The following BBS9 variants were observed in gnomAD, a reference collection of about 807,000 sequenced individuals.
BBS9 encodes protein PTHB1.
In BBS9, 89 loss-of-function variants were observed where a neutral mutation model predicts 117.7. The ratio of observed to expected loss-of-function variants is 0.76; its 90% CI spans 0.64 to 0.90. BBS9 has a LOEUF of 0.90. BBS9 is among the 40% of genes least tolerant of loss of function. BBS9 has a pLI of 0.00. For missense variants in BBS9, 982 were observed against 1,042.2 expected (o/e 0.94, Z 0.80); for synonymous variants, 379 against 370.9 (o/e 1.02, Z -0.25).
chr7:33,626,700 AG>A (rs1373139147), intron 21 of BBS9, among the ~76,000 whole-genome samples: 16 of 152,172 alleles, frequency 1.1e-4, no homozygotes, highest in Non-Finnish European at 1.5e-4. Flanking sequence ...ATTAGCAAAG[AG>A]GTTGGAGGCC....
chr7:33,324,260 T>C (rs552071964), intron 9 of BBS9, among the ~76,000 whole-genome samples: 2 of 152,242 alleles, frequency 1.3e-5, no homozygotes, highest in South Asian at 4.1e-4. Context: ...CTTGCAAATA[T>C]GATCTTACAA....
At chr7:33,219,710 A>G (rs1562820552) in intron 5 of BBS9, among the ~76,000 whole-genome samples, 1 of 152,130 alleles carries the variant, frequency 6.6e-6, no homozygotes, top group African/African-American at 2.4e-5. Context: ...CGCACCAATC[A>G]GCGCCCTGTC....
At chr7:33,218,333 A>G (rs1311078331) in intron 5 of BBS9, among the ~76,000 whole-genome samples, 1 of 152,188 alleles carries the variant, frequency 6.6e-6, no homozygotes. Flanking sequence ...CCATTTACTG[A>G]CTTTGTTGGT....
At chr7:33,622,429 T>C (rs1865454847) in intron 21 of BBS9, among the ~76,000 whole-genome samples, 1 of 152,128 alleles carries the variant, frequency 6.6e-6, no homozygotes, top group African/African-American at 2.4e-5. Flanking sequence ...ACTTGAAAAT[T>C]GTTAAGTGAG....
intron 17 of BBS9, among the ~76,000 whole-genome samples, chr7:33,375,540 G>GT (rs1177197686): frequency 6.6e-6 from 1 of 150,486 alleles, no homozygotes; most frequent in Non-Finnish European, 1.5e-5. Flanking sequence ...AGCAAAAAAT[G>GT]TTGTTGTGTT....
chr7:33,263,965 A>G (rs930216260), intron 6 of BBS9, among the ~76,000 whole-genome samples: 1 of 151,860 alleles, frequency 6.6e-6, no homozygotes, highest in Admixed American at 6.6e-5. Flanking sequence ...TTTTCTGTCT[A>G]TTTGGTGTTT....
intron 9 of BBS9, among the ~76,000 whole-genome samples, chr7:33,278,813 A>G (rs1168024178): frequency 1.3e-5 from 2 of 152,196 alleles, no homozygotes; most frequent in Admixed American, 6.5e-5. Flanking sequence ...CCATGGGCAG[A>G]TATTTGCAAG....
rs541531701 is a variant in BBS9, at chr7:33,485,441, C to G, written c.2116-20022C>G. Among the ~76,000 whole-genome samples, 69 of 151,518 alleles carry G rather than the reference C, an allele frequency of 4.6e-4. No homozygotes were observed. The East Asian group carries it at 0.012, about 26-fold the overall frequency. On this transcript the variant is annotated intron_variant, in intron 19 of 22. Coordinates refer to ENST00000242067, the MANE Select transcript of BBS9 (RefSeq NM_198428.3). ...TCTCCTGCCTCAGCCTCCCGAGTAG[C>G]TGGGACTACAGGCGCCCGCCACCAC...
At position 33,285,760 on chromosome 7, in the gene BBS9, T is replaced by G. The variant is rs78737670; in HGVS notation, c.1016+11804T>G. ...ATGGCTATTTTGATAAGTGTTTTAT[T>G]CACATGGAAAAGACCTTGTAGGAAT... On this transcript the variant is annotated intron_variant, in intron 9 of 22. Transcript: ENST00000242067. Among the ~76,000 whole-genome samples, 9 of 152,240 alleles carry G rather than the reference T, an allele frequency of 5.9e-5. No individual in the cohort carries two copies. The East Asian group carries it at 1.7e-3, about 29-fold the overall frequency.
rs186189263 is a variant in BBS9, at chr7:33,426,304, C to T, written c.2115+38160C>T. On this transcript the variant is annotated intron_variant, in intron 19 of 22. Coordinates refer to ENST00000242067, the MANE Select transcript of BBS9 (RefSeq NM_198428.3). ...GTGCCAGCTATTGCTAAGCACTTTA[C>T]CTACATTATCTCAATTATTTTAAAG... Among the ~76,000 whole-genome samples, 750 of 152,280 alleles carry T rather than the reference C, an allele frequency of 4.9e-3. 10 individuals are homozygous for T. The highest frequency in any genetic ancestry group is 0.017 in the African/African-American group (706 of 41,548).
chr7:33,452,508 A>C (rs1481582581), intron 19 of BBS9, among the ~76,000 whole-genome samples: 1 of 152,144 alleles, frequency 6.6e-6, no homozygotes, highest in Non-Finnish European at 1.5e-5. Context: ...TTCTAGCCTC[A>C]GCGTTCTTAT....
chr7:33,578,054 T>C (rs1170898905), intron 21 of BBS9, among the ~76,000 whole-genome samples: 3 of 152,190 alleles, frequency 2.0e-5, no homozygotes, highest in Non-Finnish European at 4.4e-5. Flanking sequence ...AGTATAATTT[T>C]AAAAAATGTC....
At chr7:33,224,184 T>C (rs1474874639) in intron 5 of BBS9, among the ~76,000 whole-genome samples, 1 of 152,230 alleles carries the variant, frequency 6.6e-6, no homozygotes, top group African/African-American at 2.4e-5. Context: ...TGCTAAATTA[T>C]TTGTGTGTGC....
At chr7:33,519,268 C>T (rs191260246) in intron 20 of BBS9, among the ~76,000 whole-genome samples, 45 of 152,184 alleles carry the variant, frequency 3.0e-4, no homozygotes, top group Non-Finnish European at 5.9e-4. Flanking sequence ...TTCTCTTGTC[C>T]TAGGTGGCAA....
At chr7:33,172,391 T>A (rs980624497) in intron 4 of BBS9, among the ~76,000 whole-genome samples, 61 of 141,910 alleles carry the variant, frequency 4.3e-4, no homozygotes, top group South Asian at 1.3e-3. Context: ...AAAAAAAAAA[T>A]AATAAAAAAA....
At chr7:33,304,923 T>C (rs898825299) in intron 9 of BBS9, among the ~76,000 whole-genome samples, 1 of 152,110 alleles carries the variant, frequency 6.6e-6, no homozygotes, top group African/African-American at 2.4e-5. Flanking sequence ...GTTAAACAGA[T>C]GCTTGAAGGC....
rs562954196 is a variant in BBS9, at chr7:33,484,245, G to T, written c.2116-21218G>T. ...GTAATCAGGAAAATCTACAAAAAAG[G>T]TTACATCAAAGTAGATTTCTCAAAA... On this transcript the variant is annotated intron_variant, in intron 19 of 22. Transcript: ENST00000242067. Among the ~76,000 whole-genome samples the T allele has an allele frequency of 2.6e-5, 4 of 152,072 alleles. No individual in the cohort carries two copies. In the South Asian group the frequency reaches 8.3e-4, roughly 32 times the overall value.
intron 19 of BBS9, among the ~76,000 whole-genome samples, chr7:33,411,356 G>C (rs1243129026): frequency 6.6e-6 from 1 of 151,980 alleles, no homozygotes; most frequent in East Asian, 1.9e-4. Flanking sequence ...AATATTTCTT[G>C]ACAAGGTTTC....
In BBS9 at chr7:33,444,862, A is replaced by G. The variant is rs1217942235; in HGVS notation, c.2115+56718A>G. ...TCACAACTGAAGACAAAGCCTTATC[A>G]ATATATGCAGACCTTAAAATACAGT... On this transcript the variant is annotated intron_variant, in intron 19 of 22. Coordinates refer to ENST00000242067, the MANE Select transcript of BBS9 (RefSeq NM_198428.3). 1.3e-5 allele frequency among the ~76,000 whole-genome samples: 2 copies of G among 152,216 alleles called. 1 individual carries two copies. The highest frequency in any genetic ancestry group is 4.1e-4 in the South Asian group (2 of 4,834).
Sources: allele counts gnomAD v4.1 joint callset (sites outside exome capture counted in the v4.1 genomes callset), GRCh38; gene constraint gnomAD v4.1.1; transcripts MANE v1.5; gene names NCBI Gene and HGNC (gene_info 2026-07-23, HGNC 2026-07-21).